The following CRACR2A variants were observed in gnomAD, a reference collection of about 807,000 sequenced individuals.
CRACR2A encodes the protein calcium release activated channel regulator 2A.
CRACR2A carries 79 observed loss-of-function variants against 90.5 expected under a neutral mutation model. The ratio of observed to expected loss-of-function variants is 0.87; its 90% CI spans 0.73 to 1.05. CRACR2A has a LOEUF of 1.05. Ranked by LOEUF, CRACR2A falls within the 50% of genes least tolerant of loss-of-function variation. The pLI is 0.00. For synonymous variants in CRACR2A, 338 were observed against 356.7 expected, an observed-to-expected ratio of 0.95 and a Z score of 0.59; for missense variants, 823 against 897.2, an observed-to-expected ratio of 0.92 and a Z score of 1.06.
intron 2 of CRACR2A, chr12:3,730,923 T>C (rs1020312072): frequency 1.3e-5 from 2 of 152,252 alleles, no homozygotes; most frequent in African/African-American, 4.8e-5. Flanking sequence ...ACCACACAAA[T>C]GTATTGCTTA....
chr12:3,689,463 C>T lies in CRACR2A; in HGVS notation c.228+7309G>A, dbSNP rs555246609. Among the ~76,000 whole-genome samples the T allele has an allele frequency of 4.6e-5, 7 of 152,012 alleles. No homozygotes were observed. The East Asian group carries it at 1.4e-3, about 29-fold the overall frequency. On this transcript the variant is annotated intron_variant, in intron 4 of 19. Coordinates refer to ENST00000440314, the MANE Select transcript of CRACR2A (RefSeq NM_001144958.2). The stretch of plus-strand genomic sequence containing the variant: ...CTATTGAGATAATCATGTGGTTTTG[C>T]CTTTAGTTTTGTTTATGTGATGAAT...
At chr12:3,653,804 C>A (rs888876163) in intron 10 of CRACR2A, among the ~76,000 whole-genome samples, 2 of 152,222 alleles carry the variant, frequency 1.3e-5, no homozygotes, top group East Asian at 1.9e-4. Flanking sequence ...CAGGTCTCTA[C>A]ACGACCACAG....
At chr12:3,718,502 T>A (rs1946111104) in intron 2 of CRACR2A, among the ~76,000 whole-genome samples, 3 of 152,192 alleles carry the variant, frequency 2.0e-5, no homozygotes. Context: ...AAGCCACATA[T>A]GAAGGTGAGC....
At chr12:3,695,467 C>T (rs1945723373) in intron 4 of CRACR2A, among the ~76,000 whole-genome samples, 1 of 152,052 alleles carries the variant, frequency 6.6e-6, no homozygotes, top group Non-Finnish European at 1.5e-5. Flanking sequence ...ATTTGTGCAA[C>T]AGTTAGAGAG....
chr12:3,705,855 A>G (rs1386724475), intron 3 of CRACR2A, among the ~76,000 whole-genome samples: 1 of 152,184 alleles, frequency 6.6e-6, no homozygotes, highest in Non-Finnish European at 1.5e-5. Flanking sequence ...ACAATATTTA[A>G]CAATCAATTT....
At chr12:3,671,156 A>G (rs1945235129) in intron 7 of CRACR2A, among the ~76,000 whole-genome samples, 1 of 152,200 alleles carries the variant, frequency 6.6e-6, no homozygotes, top group African/African-American at 2.4e-5. Context: ...TCCTGCAGAA[A>G]TGCAGGCCAG....
chr12:3,662,826 A>G (rs1945062578), intron 7 of CRACR2A, among the ~76,000 whole-genome samples: 1 of 152,256 alleles, frequency 6.6e-6, no homozygotes, highest in African/African-American at 2.4e-5. Flanking sequence ...ATGTGCACAT[A>G]TGGTGAGTCA....
At chr12:3,686,550 C>T (rs1163834660) in intron 4 of CRACR2A, among the ~76,000 whole-genome samples, 4 of 152,146 alleles carry the variant, frequency 2.6e-5, no homozygotes, top group African/African-American at 9.7e-5. Context: ...TCTAGGTTTT[C>T]TCAGAGAGAT....
chr12:3,734,236 C>T (rs11608398), intron 1 of CRACR2A, among the ~76,000 whole-genome samples: 41,985 of 151,234 alleles, frequency 0.28, 6,615 homozygotes, highest in Middle Eastern at 0.42. Context: ...CTCAGCCTCC[C>T]AAAGTGCTGG....
intron 7 of CRACR2A, among the ~76,000 whole-genome samples, chr12:3,670,336 C>T (rs1260586415): frequency 6.6e-6 from 1 of 152,116 alleles, no homozygotes; most frequent in African/African-American, 2.4e-5. Context: ...TCACCAGAAC[C>T]CGCTCTTCTT....
chr12:3,646,591 C>T (rs552970503), intron 11 of CRACR2A, among the ~76,000 whole-genome samples: 8 of 152,182 alleles, frequency 5.3e-5, no homozygotes, highest in Non-Finnish European at 1.0e-4. Flanking sequence ...CAGGCAGGCA[C>T]ACAGCCAGGG....
At chr12:3,652,697 T>C (rs144784604) in intron 10 of CRACR2A, among the ~76,000 whole-genome samples, 450 of 152,310 alleles carry the variant, frequency 3.0e-3, no homozygotes, top group African/African-American at 0.01. Context: ...TTCCGGTAAG[T>C]AGCACTGCCC....
At chr12:3,750,440 G>C (rs911491350) in intron 1 of CRACR2A, among the ~76,000 whole-genome samples, 2 of 152,196 alleles carry the variant, frequency 1.3e-5, no homozygotes, top group African/African-American at 4.8e-5. Context: ...AGAACACCGT[G>C]ATTCTATGAC....
At chr12:3,641,479 T>C (rs1944569179) in intron 13 of CRACR2A, among the ~76,000 whole-genome samples, 1 of 152,222 alleles carries the variant, frequency 6.6e-6, no homozygotes, top group Admixed American at 6.5e-5. Context: ...AGTCCCTCTC[T>C]GCAAACACAC....
At chr12:3,627,787 A>C in intron 15 of CRACR2A, 81 bp from the exon 16 acceptor site, 1 of 1,363,308 alleles carries the variant, frequency 7.3e-7, no homozygotes, top group Non-Finnish European at 1.0e-6. Context: ...TGCTTCCAAC[A>C]TCTGAAATCA....
chr12:3,650,952 T>C (rs1024905254), intron 10 of CRACR2A, among the ~76,000 whole-genome samples: 12 of 152,246 alleles, frequency 7.9e-5, no homozygotes, highest in Non-Finnish European at 1.5e-4. Flanking sequence ...TATATTTTTG[T>C]GTCAACAAAA....
At chr12:3,681,119 C>T (rs1945442422) in intron 4 of CRACR2A, among the ~76,000 whole-genome samples, 1 of 152,200 alleles carries the variant, frequency 6.6e-6, no homozygotes, top group African/African-American at 2.4e-5. Context: ...TGCCTCAGCA[C>T]TGCATTTGTA....
In CRACR2A at chr12:3,656,214, A is replaced by T. The variant is rs987035354; in HGVS notation, c.858+97T>A. 2.4e-6 allele frequency: 3 copies of T among 1,226,304 alleles called. No homozygotes were observed. In the Admixed American group the frequency reaches 5.4e-5, roughly 22 times the overall value. 76.0% of individuals were successfully genotyped at this position (1,226,304 alleles called of 1,614,324 possible). ...ATAGTTCTTCTCAGGTTAAAAACTC[A>T]AAAGTCCTTAAGTGAATGGCAGGGA... On this transcript the variant is annotated intron_variant, in intron 9 of 19. Transcript: ENST00000440314.
intron 12 of CRACR2A, among the ~76,000 whole-genome samples, 162 bp from the exon 13 acceptor site, chr12:3,642,000 T>A (rs1041112681): frequency 6.6e-6 from 1 of 152,084 alleles, no homozygotes; most frequent in African/African-American, 2.4e-5. Context: ...ACTCTTCCCT[T>A]TTGCCATCAT....
Sources: gnomAD v4.1 joint callset for allele counts (sites outside exome capture counted in the v4.1 genomes callset) on GRCh38, gnomAD v4.1.1 for gene constraint, MANE v1.5 for transcripts, NCBI Gene and HGNC (gene_info 2026-07-23, HGNC 2026-07-21) for gene names.